The following SIRPA variants were observed in gnomAD, a reference collection of about 807,000 sequenced individuals.
The protein encoded by SIRPA is signal regulatory protein alpha.
A neutral mutation model predicts 50.3 loss-of-function variants in SIRPA; 9 were observed. The observed-to-expected ratio is 0.18, with a 90% CI of 0.11 to 0.31. The LOEUF (loss-of-function observed/expected upper bound fraction) is 0.31. Among genes scored for constraint, SIRPA ranks in the 10% least tolerant of loss-of-function variants. The pLI is 1.00. For missense variants in SIRPA, 474 were observed against 661.6 expected (o/e 0.72, Z 3.11); for synonymous variants, 265 against 284.1 (o/e 0.93, Z 0.68).
chr20:1,927,822 A>T lies in SIRPA; in HGVS notation c.1202-53A>T. The T allele has an allele frequency of 6.3e-7, 1 of 1,581,554 alleles. No homozygotes were observed. Among genetic ancestry groups the T allele is most frequent in the Non-Finnish European group, 8.7e-7 (1 of 1,150,360 alleles). ...CCTTTTGCCAAAAAATAGTTACATA[A>T]GAAAAGTGTGCTTCTAGTTAAACAA... On this transcript the variant is annotated intron_variant, in intron 5 of 7. Coordinates refer to ENST00000358771, the MANE Select transcript of SIRPA (RefSeq NM_001040023.2). The surrounding 1 kb of genome is among the most constrained non-coding windows in gnomAD (Gnocchi z 6.5).
In SIRPA at chr20:1,937,767, C is replaced by T. The variant is rs567451296; in HGVS notation, c.*199C>T. 1 of 667,122 alleles carries T rather than the reference C, an allele frequency of 1.5e-6. No homozygotes were observed. Among genetic ancestry groups the T allele is most frequent in the Non-Finnish European group, 2.5e-6 (1 of 402,866 alleles). 41.3% of individuals were successfully genotyped at this position (667,122 alleles called of 1,614,324 possible). ...TCCTGGGCAGCCACGGCCCCCTCCC[C>T]CCACATTGCCACATACCTGGAGGCT... On this transcript the variant is annotated 3_prime_UTR_variant, in exon 8 of 8. Transcript: ENST00000358771. This position sits in a 1 kb window ranked among gnomAD's most constrained non-coding sequence, Gnocchi z 8.3.
intron 2 of SIRPA, among the ~76,000 whole-genome samples, chr20:1,919,369 A>G (rs1297594077): frequency 1.3e-5 from 2 of 152,016 alleles, no homozygotes; most frequent in African/African-American, 2.4e-5. Flanking sequence ...ACGGAGGACA[A>G]GTTGGAAAAG....
At chr20:1,914,956 A>T in intron 1 of SIRPA, 143 bp from the exon 2 acceptor site, 1 of 748,770 alleles carries the variant, frequency 1.3e-6, no homozygotes, top group Non-Finnish European at 2.2e-6. Flanking sequence ...TGTGAGGGTC[A>T]AATGAGATGA....
intron 6 of SIRPA, among the ~76,000 whole-genome samples, chr20:1,929,617 T>C (rs1986186778): frequency 6.6e-6 from 1 of 152,146 alleles, no homozygotes; most frequent in Non-Finnish European, 1.5e-5. Context: ...AAAGCCTTGC[T>C]TCTTGCTCTG....
intron 1 of SIRPA, among the ~76,000 whole-genome samples, chr20:1,896,412 G>A (rs1179836937): frequency 2.0e-5 from 3 of 146,484 alleles, no homozygotes; most frequent in Admixed American, 6.8e-5. Context: ...TTCTTAAATG[G>A]GTTTTGCAAA....
Position 1,936,137 on chromosome 20 carries a change from G to A in SIRPA, c.1267-1183G>A, listed in dbSNP as rs905361789. On this transcript the variant is annotated intron_variant, in intron 7 of 7. Transcript: ENST00000358771. This position sits in a 1 kb window ranked among gnomAD's most constrained non-coding sequence, Gnocchi z 4.2. Reference sequence around the variant, plus strand: ...CTGAGAACTGAAATCAGCCATTACCGTGCACCAACTAGGAGGTGTGCCGGT... The same window carrying A: ...CTGAGAACTGAAATCAGCCATTACCATGCACCAACTAGGAGGTGTGCCGGT... Among the ~76,000 whole-genome samples the A allele has an allele frequency of 3.3e-5, 5 of 152,028 alleles. No homozygotes were observed. The highest frequency in any genetic ancestry group is 4.8e-5 in the African/African-American group (2 of 41,392).
At chr20:1,905,875 C>T (rs960945740) in intron 1 of SIRPA, among the ~76,000 whole-genome samples, 5 of 152,230 alleles carry the variant, frequency 3.3e-5, no homozygotes, top group East Asian at 1.9e-4. Context: ...CTCCCAGTGC[C>T]GCCTGTCCCC....
chr20:1,900,850 G>GGT (rs1178251246), intron 1 of SIRPA, among the ~76,000 whole-genome samples: 1 of 152,218 alleles, frequency 6.6e-6, no homozygotes, highest in Non-Finnish European at 1.5e-5. Flanking sequence ...CTCAGCACTT[G>GGT]GTGTGTGTGA....
At chr20:1,894,707 G>C (rs1379882273), upstream of SIRPA, 1 of 148,666 alleles carries the variant, frequency 6.7e-6, no homozygotes, top group Non-Finnish European at 1.5e-5. The surrounding 1 kb of genome is among the most constrained non-coding windows in gnomAD (Gnocchi z 4.0). Context: ...CGGCGCGGGG[G>C]AGGACGCTGC....
At chr20:1,905,322 C>T (rs377663264) in intron 1 of SIRPA, among the ~76,000 whole-genome samples, 10 of 152,292 alleles carry the variant, frequency 6.6e-5, no homozygotes, top group East Asian at 3.9e-4. Flanking sequence ...CAGGGAGAGG[C>T]GATCGCATGG....
chr20:1,902,464 A>G (rs1306673445), intron 1 of SIRPA, among the ~76,000 whole-genome samples: 1 of 152,198 alleles, frequency 6.6e-6, no homozygotes, highest in East Asian at 1.9e-4. Flanking sequence ...TTAATTGTAA[A>G]TATTCATTCA....
rs1317472187 is a variant in SIRPA, at chr20:1,934,309, C to A, written c.1227-406C>A. Reference sequence around the variant, plus strand: ...GCTTTTTCTATATTTTGAATTCCCCCAAAAAAAAGTGCAATTATGAGTCAA... The same window carrying A: ...GCTTTTTCTATATTTTGAATTCCCCAAAAAAAAAGTGCAATTATGAGTCAA... On this transcript the variant is annotated intron_variant, in intron 6 of 7. Coordinates refer to ENST00000358771, the MANE Select transcript of SIRPA (RefSeq NM_001040023.2). This position sits in a 1 kb window ranked among gnomAD's most constrained non-coding sequence, Gnocchi z 4.6. Among the ~76,000 whole-genome samples the A allele has an allele frequency of 1.3e-5, 2 of 151,812 alleles. No homozygotes were observed. The highest frequency in any genetic ancestry group is 2.9e-5 in the Non-Finnish European group (2 of 67,928).
At chr20:1,916,867 T>C (rs575716569) in intron 2 of SIRPA, among the ~76,000 whole-genome samples, 2 of 152,138 alleles carry the variant, frequency 1.3e-5, no homozygotes, top group Non-Finnish European at 2.9e-5. Flanking sequence ...GGTGTGTGTT[T>C]TAATGTGTGT....
At chr20:1,908,441 A>G (rs528140116) in intron 1 of SIRPA, among the ~76,000 whole-genome samples, 21 of 152,034 alleles carry the variant, frequency 1.4e-4, no homozygotes, top group African/African-American at 4.8e-4. Context: ...ACCCTCCCAC[A>G]CATGCCCAGG....
chr20:1,904,547 A>G lies in SIRPA; in HGVS notation c.79+9021A>G, dbSNP rs75436209. Among the ~76,000 whole-genome samples, 6 of 152,330 alleles carry G rather than the reference A, an allele frequency of 3.9e-5. No homozygotes were observed. The East Asian group carries it at 1.2e-3, about 29-fold the overall frequency. ...AGCTTCACATCTGGTCCTCCGTGAA[A>G]TGGGGGTGGCGACAGCCCTGTCTTA... On this transcript the variant is annotated intron_variant, in intron 1 of 7. Coordinates refer to ENST00000358771, the MANE Select transcript of SIRPA (RefSeq NM_001040023.2).
chr20:1,935,198 C>T (rs1986509051), intron 7 of SIRPA, among the ~76,000 whole-genome samples: 1 of 152,224 alleles, frequency 6.6e-6, no homozygotes, highest in African/African-American at 2.4e-5. Flanking sequence ...CCCACCTTTG[C>T]TGATGGAAAG....
Position 1,924,697 on chromosome 20 carries a change from C to A in SIRPA, c.1088-67C>A. 1.6e-6 allele frequency: 2 copies of A among 1,286,976 alleles called. No individual in the cohort carries two copies. The highest frequency in any genetic ancestry group is 2.3e-6 in the Non-Finnish European group (2 of 886,476). 79.7% of individuals were successfully genotyped at this position (1,286,976 alleles called of 1,614,324 possible). A position where few individuals can be genotyped will look rare whatever the true frequency, so the allele number is the denominator to read the frequency against. ...ATGATGCCTGCTTAGTGGTGAAAAG[C>A]AGTGGTGGGTTTGGTTTTCTGTTTT... On this transcript the variant is annotated intron_variant, in intron 4 of 7. Transcript: ENST00000358771. This position sits in a 1 kb window ranked among gnomAD's most constrained non-coding sequence, Gnocchi z 4.5.
chr20:1,929,155 A>G (rs955852575), intron 6 of SIRPA, among the ~76,000 whole-genome samples: 1 of 152,058 alleles, frequency 6.6e-6, no homozygotes, highest in Admixed American at 6.5e-5. Flanking sequence ...AGGACTCGGG[A>G]TTTTATCCGC....
chr20:1,923,414 G>A (rs1985783491), intron 4 of SIRPA, among the ~76,000 whole-genome samples: 1 of 152,250 alleles, frequency 6.6e-6, no homozygotes, highest in South Asian at 2.1e-4. Context: ...TAGAATGGAA[G>A]CCATTTCTGT....
Sources: gnomAD v4.1 joint callset for allele counts (sites outside exome capture counted in the v4.1 genomes callset) on GRCh38, gnomAD v4.1.1 for gene constraint, Gnocchi (gnomAD v3.1) non-coding constraint, MANE v1.5 for transcripts, NCBI Gene and HGNC (gene_info 2026-07-23, HGNC 2026-07-21) for gene names.